Variants in LRP6 observed in about 807,000 individuals in gnomAD.
The protein encoded by LRP6 is low-density lipoprotein receptor-related protein 6.
In LRP6, 43 loss-of-function variants were observed where a neutral mutation model predicts 184.1. The ratio of observed to expected loss-of-function variants is 0.23; its 90% CI spans 0.18 to 0.30. LRP6 has a LOEUF of 0.30. Ranked by LOEUF, LRP6 falls within the 10% of genes least tolerant of loss-of-function variation. LRP6 has a pLI of 1.00. For synonymous variants in LRP6, 719 were observed against 684.9 expected (o/e 1.05, Z -0.78); for missense variants, 1,571 against 2,005.3 (o/e 0.78, Z 4.14).
intron 1 of LRP6, among the ~76,000 whole-genome samples, chr12:12,263,892 T>G (rs1465488605): frequency 6.6e-6 from 1 of 151,858 alleles, no homozygotes; most frequent in African/African-American, 2.4e-5. Context: ...ACCTGTAACC[T>G]GTAATCCCAG....
intron 2 of LRP6, among the ~76,000 whole-genome samples, chr12:12,234,309 G>T (rs574808251): frequency 9.9e-4 from 151 of 152,022 alleles, no homozygotes; most frequent in Non-Finnish European, 1.7e-3. Flanking sequence ...AATTAGCAAG[G>T]CATGATGGCA....
chr12:12,163,954 A>AC (rs1477219349), intron 9 of LRP6, among the ~76,000 whole-genome samples: 1 of 151,962 alleles, frequency 6.6e-6, no homozygotes, highest in African/African-American at 2.4e-5. Context: ...ACATGGTGAA[A>AC]CCCCGTCACT....
intron 1 of LRP6, among the ~76,000 whole-genome samples, chr12:12,250,346 A>G (rs1225833193): frequency 6.6e-6 from 1 of 151,982 alleles, no homozygotes; most frequent in East Asian, 1.9e-4. Context: ...TTTCCTGCCT[A>G]CTCCATACTT....
intron 7 of LRP6, among the ~76,000 whole-genome samples, chr12:12,171,625 G>A (rs968546779): frequency 5.3e-5 from 8 of 152,218 alleles, no homozygotes; most frequent in Middle Eastern, 3.4e-3. Flanking sequence ...AGGATCCTCC[G>A]AAGAGATTAA....
intron 7 of LRP6, among the ~76,000 whole-genome samples, chr12:12,178,441 C>A (rs2417085): frequency 1.4e-4 from 22 of 151,906 alleles, no homozygotes; most frequent in African/African-American, 5.1e-4. Context: ...CATTCCCTTA[C>A]GTAAATTTTC....
At position 12,247,088 on chromosome 12, in the gene LRP6, T is replaced by C. The variant is rs552199899; in HGVS notation, c.56-2433A>G. On this transcript the variant is annotated intron_variant, in intron 1 of 22. Coordinates refer to ENST00000261349, the MANE Select transcript of LRP6 (RefSeq NM_002336.3). ...AGTCACTTTTAATTCATTTCTGGCC[T>C]TCACACATCACACTGATTTATCAGT... Among the ~76,000 whole-genome samples the C allele has an allele frequency of 2.1e-3, 323 of 152,324 alleles. 2 individuals carry two copies. The highest frequency in any genetic ancestry group is 7.6e-3 in the African/African-American group (314 of 41,558).
rs1480945433 is a variant in LRP6, at chr12:12,164,535, C to T, written c.1790G>A (p.Gly597Glu). ...IGSNPCAEEN[G>E]GCSHLCLYRP... The stretch of plus-strand genomic sequence containing the variant: ...ATAGAGGCAGAGATGGCTACATCCC[C>T]CGTTTTCCTCAGCACAGGGGTTGGA... The change falls in exon 9 of 23, where the codon GGG becomes GAG. Residue 597 changes from glycine to glutamate, a missense_variant. Physicochemically the swap from Gly to Glu is moderately conservative, Grantham distance 98. Around this residue, in one of 4 missense-constraint regions of LRP6, gnomAD observed 640 missense variants for 851.9 expected, o/e 0.75. Coordinates refer to ENST00000261349, the MANE Select transcript of LRP6 (RefSeq NM_002336.3). The T allele has an allele frequency of 7.4e-6, 12 of 1,613,956 alleles. No individual in the cohort carries two copies. The highest frequency in any genetic ancestry group is 2.7e-5 in the African/African-American group (2 of 74,882).
intron 3 of LRP6, among the ~76,000 whole-genome samples, chr12:12,191,830 A>G (rs760800704): frequency 6.6e-5 from 10 of 152,006 alleles, no homozygotes; most frequent in Non-Finnish European, 1.5e-4. Flanking sequence ...ATACATAAAG[A>G]AAAAAATGAA....
chr12:12,202,747 C>T (rs1016252544), intron 3 of LRP6, among the ~76,000 whole-genome samples: 7 of 152,154 alleles, frequency 4.6e-5, no homozygotes, highest in Non-Finnish European at 7.3e-5. Flanking sequence ...GTTCCATTAG[C>T]AGGACTTGGG....
At position 12,266,903 on chromosome 12, in the gene LRP6, C is replaced by A. The variant is rs1865784912; in HGVS notation, c.-168G>T. The A allele has an allele frequency of 3.0e-6, 2 of 669,990 alleles. No individual in the cohort carries two copies. Among genetic ancestry groups the A allele is most frequent in the Non-Finnish European group, 5.3e-6 (2 of 375,730 alleles). 41.5% of individuals were successfully genotyped at this position (669,990 alleles called of 1,614,324 possible). ...GTCAAGGTTCCGCGCGCGCCGCCGC[C>A]GCCCTCTCTACCGCGCCGCTCGGCC... is the stretch of plus-strand genomic sequence containing the variant. On this transcript the variant is annotated 5_prime_UTR_variant, in exon 1 of 23. Transcript: ENST00000261349.
At chr12:12,171,516 A>ATC (rs1362317062) in intron 7 of LRP6, among the ~76,000 whole-genome samples, 5 of 141,590 alleles carry the variant, frequency 3.5e-5, no homozygotes, top group Admixed American at 1.5e-4. Context: ...AGTGAAACTC[A>ATC]GTCTCAAAAA....
chr12:12,240,660 T>A (rs992225067), intron 2 of LRP6, among the ~76,000 whole-genome samples: 1 of 152,160 alleles, frequency 6.6e-6, no homozygotes, highest in Non-Finnish European at 1.5e-5. Context: ...TCACTTCAAA[T>A]TGAATCATTA....
chr12:12,195,806 CAGTTTTAT>C (rs1863740116), intron 3 of LRP6, among the ~76,000 whole-genome samples: 1 of 152,014 alleles, frequency 6.6e-6, no homozygotes, highest in Non-Finnish European at 1.5e-5. Flanking sequence ...TTTCCTCTAG[CAGTTTTAT>C]AGTTTCAAGT....
At chr12:12,228,817 A>C (rs1864698790) in intron 2 of LRP6, among the ~76,000 whole-genome samples, 1 of 152,170 alleles carries the variant, frequency 6.6e-6, no homozygotes, top group Non-Finnish European at 1.5e-5. Flanking sequence ...TCTTCCACAG[A>C]ACCAGTCCCT....
intron 2 of LRP6, among the ~76,000 whole-genome samples, chr12:12,235,190 G>A (rs767735999): frequency 6.6e-6 from 1 of 152,100 alleles, no homozygotes; most frequent in Non-Finnish European, 1.5e-5. Context: ...CACTAAGATG[G>A]GCAAATAAGA....
chr12:12,139,810 G>A (rs1168787253), intron 15 of LRP6, among the ~76,000 whole-genome samples: 3 of 152,122 alleles, frequency 2.0e-5, no homozygotes, highest in Non-Finnish European at 4.4e-5. Flanking sequence ...AAGAGAGCAG[G>A]AAAGTGATAT....
chr12:12,242,691 G>C (rs573979248), intron 2 of LRP6, among the ~76,000 whole-genome samples: 21 of 152,324 alleles, frequency 1.4e-4, no homozygotes, highest in African/African-American at 5.1e-4. Flanking sequence ...CCTACGATCA[G>C]AGCCACTACA....
chr12:12,181,193 A>G lies in LRP6; in HGVS notation c.1223T>C (p.Ile408Thr). 6.2e-7 allele frequency: 1 copy of G among 1,614,200 alleles called. No homozygotes were observed. Among genetic ancestry groups the G allele is most frequent in the Non-Finnish European group, 8.5e-7 (1 of 1,180,008 alleles). ...ATTTCGTGCAACCCAGTCCACAGCA[A>G]TACCATCAGGATGGGCAATTTGAGC... is the stretch of plus-strand genomic sequence containing the variant. Reference protein sequence around the residue: ...VTAQIAHPDGIAVDWVARNLY... With the variant: ...VTAQIAHPDGTAVDWVARNLY... The change falls in exon 6 of 23, where the codon ATT becomes ACT. Residue 408 changes from isoleucine (I) to threonine (T), a missense_variant. Ile to Thr is a moderately conservative substitution (Grantham distance 89). Coordinates refer to ENST00000261349, the MANE Select transcript of LRP6 (RefSeq NM_002336.3).
intron 2 of LRP6, among the ~76,000 whole-genome samples, chr12:12,212,524 C>T (rs897346241): frequency 6.6e-6 from 1 of 152,130 alleles, no homozygotes; most frequent in Admixed American, 6.6e-5. Flanking sequence ...CCCCACCGCC[C>T]CCCTGCCAAG....
Sources: allele counts gnomAD v4.1 joint callset (sites outside exome capture counted in the v4.1 genomes callset), GRCh38; gene constraint gnomAD v4.1.1; regional missense constraint gnomAD v4.1.1; transcripts MANE v1.5; gene names NCBI Gene and HGNC (gene_info 2026-07-23, HGNC 2026-07-21).